Variants in STX18 observed in about 807,000 individuals in gnomAD.
STX18 encodes syntaxin-18.
In STX18, 40 loss-of-function variants were observed where a neutral mutation model predicts 50.1. The ratio of observed to expected loss-of-function variants is 0.80; its 90% CI spans 0.62 to 1.04. The LOEUF is 1.04. Ranked by LOEUF, STX18 falls within the 50% of genes least tolerant of loss-of-function variation. The pLI is 0.00. For synonymous variants in STX18, 158 were observed against 151.8 expected, an observed-to-expected ratio of 1.04 and a Z score of -0.30; for missense variants, 410 against 415.8, an observed-to-expected ratio of 0.99 and a Z score of 0.12.
chr4:4,443,547 T>C (rs1726230934), intron 5 of STX18, among the ~76,000 whole-genome samples: 1 of 152,192 alleles, frequency 6.6e-6, no homozygotes, highest in South Asian at 2.1e-4. Context: ...ACAAAATCAT[T>C]TTATGAGGCC....
intron 1 of STX18, among the ~76,000 whole-genome samples, chr4:4,529,969 TC>T (rs1335178140): frequency 6.6e-6 from 1 of 152,146 alleles, no homozygotes. Flanking sequence ...GGAAAATTAC[TC>T]CCTTTACAAA....
chr4:4,500,725 C>T (rs1729411008), intron 1 of STX18, among the ~76,000 whole-genome samples: 1 of 152,162 alleles, frequency 6.6e-6, no homozygotes, highest in Non-Finnish European at 1.5e-5. Context: ...GGCTACATAA[C>T]ATTTCATTGC....
intron 5 of STX18, among the ~76,000 whole-genome samples, chr4:4,456,056 T>C (rs1727048541): frequency 6.6e-6 from 1 of 151,868 alleles, no homozygotes; most frequent in South Asian, 2.1e-4. Context: ...GGCAGGGGGA[T>C]TGCCTGAGCC....
Position 4,420,843 on chromosome 4 carries a change from G to A in STX18, c.912+21C>T, listed in dbSNP as rs1196356228. On this transcript the variant is annotated intron_variant, in intron 10 of 10. Transcript: ENST00000306200. This position sits in a 1 kb window ranked among gnomAD's most constrained non-coding sequence, Gnocchi z 4.3. ...TCAGTGCTGCGCCACGTCGCACCTG[G>A]GGAACCTAAACAGTGCCTACCTCTC... 6.2e-7 allele frequency: 1 copy of A among 1,611,008 alleles called. No homozygotes were observed. Among genetic ancestry groups the A allele is most frequent in the Non-Finnish European group, 8.5e-7 (1 of 1,177,422 alleles).
At chr4:4,487,856 G>T (rs1331403390) in intron 1 of STX18, among the ~76,000 whole-genome samples, 1 of 152,146 alleles carries the variant, frequency 6.6e-6, no homozygotes, top group Non-Finnish European at 1.5e-5. Flanking sequence ...AAAGAACTAT[G>T]TCTTCTTCAC....
intron 9 of STX18, among the ~76,000 whole-genome samples, chr4:4,423,041 C>T (rs980544458): frequency 5.3e-5 from 8 of 152,328 alleles, no homozygotes; most frequent in African/African-American, 1.7e-4. Flanking sequence ...ATGGACCGCG[C>T]GTTGTGAGAG....
At chr4:4,429,772 T>C (rs1030065785) in intron 7 of STX18, among the ~76,000 whole-genome samples, 12 of 152,214 alleles carry the variant, frequency 7.9e-5, no homozygotes, top group African/African-American at 2.9e-4. Flanking sequence ...CTATGTGGTA[T>C]TCAGATTCCA....
At chr4:4,426,203 CTG>C (rs1725235554) in intron 7 of STX18, 1 of 152,252 alleles carries the variant, frequency 6.6e-6, no homozygotes, top group Non-Finnish European at 1.5e-5. Flanking sequence ...TTGTAATAAA[CTG>C]TGCCCATCCC....
rs1203680344 is a variant in STX18, at chr4:4,453,709, C to CATA, written c.497+3479_497+3481dup. On this transcript the variant is annotated intron_variant, in intron 5 of 10. Transcript: ENST00000306200. The stretch of plus-strand genomic sequence containing the variant: ...AGAAGATATTTTTGATATATAATAT[C>CATA]ATAGTACTATAATTTTAAAACTAGC... The CATA allele has an allele frequency of 3.1e-6, 3 of 975,362 alleles. No homozygotes were observed. The East Asian group carries it at 3.4e-4, about 111-fold the overall frequency. The allele number at this position is 975,362 out of a possible 1,614,324, so 60.4% of individuals were successfully genotyped here.
chr4:4,490,219 C>G (rs1222319606), intron 1 of STX18, among the ~76,000 whole-genome samples: 1 of 152,112 alleles, frequency 6.6e-6, no homozygotes, highest in Non-Finnish European at 1.5e-5. Flanking sequence ...TTCGAAAGCT[C>G]TACAGCATTA....
chr4:4,475,054 A>G (rs1728108505), intron 1 of STX18, among the ~76,000 whole-genome samples: 1 of 152,202 alleles, frequency 6.6e-6, no homozygotes, highest in Admixed American at 6.5e-5. Context: ...TACAGGTTAG[A>G]TCCAGCTGCC....
rs565718397 is a variant in STX18, at chr4:4,526,763, G to A, written c.168+15034C>T. Among the ~76,000 whole-genome samples the A allele has an allele frequency of 5.5e-5, 8 of 145,140 alleles. No homozygotes were observed. The South Asian group carries it at 1.5e-3, about 28-fold the overall frequency. ...GGCAGGAGGACGCTTGAGCCCAAGAGTTTGAGGTCAGCCTGGGCAACATAG... is the reference window on the plus strand; with the variant it reads ...GGCAGGAGGACGCTTGAGCCCAAGAATTTGAGGTCAGCCTGGGCAACATAG... On this transcript the variant is annotated intron_variant, in intron 1 of 10. Coordinates refer to ENST00000306200, the MANE Select transcript of STX18 (RefSeq NM_016930.4).
chr4:4,539,739 G>C (rs746536814), intron 1 of STX18, among the ~76,000 whole-genome samples: 4 of 152,158 alleles, frequency 2.6e-5, no homozygotes, highest in Non-Finnish European at 5.9e-5. Context: ...ATCACTTCCA[G>C]TGACAGGGAA....
intron 5 of STX18, among the ~76,000 whole-genome samples, chr4:4,443,052 A>T (rs931958337): frequency 2.0e-5 from 3 of 152,218 alleles, no homozygotes; most frequent in African/African-American, 7.2e-5. Flanking sequence ...GCTGTGAAGT[A>T]GGCACTTCCG....
chr4:4,458,937 C>G (rs1431495806), intron 3 of STX18, among the ~76,000 whole-genome samples: 2 of 152,102 alleles, frequency 1.3e-5, no homozygotes, highest in Admixed American at 6.5e-5. Context: ...ACAAGTAGAG[C>G]TTAAGTACCC....
chr4:4,515,646 C>A (rs943053124), intron 1 of STX18, among the ~76,000 whole-genome samples: 2 of 152,106 alleles, frequency 1.3e-5, no homozygotes, highest in Non-Finnish European at 2.9e-5. Context: ...AAGAGAGACA[C>A]ACGTGCTTTA....
intron 1 of STX18, among the ~76,000 whole-genome samples, chr4:4,541,488 G>A (rs1731592513): frequency 6.6e-6 from 1 of 152,138 alleles, no homozygotes. Flanking sequence ...CTGTAGTGAC[G>A]GCGAACTCAT....
rs147614420 is a variant in STX18 at position 4,486,752 on chromosome 4, A to T, written c.169-15046T>A. On this transcript the variant is annotated intron_variant, in intron 1 of 10. Transcript: ENST00000306200. ...ACCTTGACAAGAGGGGCGAGAGGAA[A>T]AAACATTTTACTCATATTTGAGTTC... Among the ~76,000 whole-genome samples the T allele has an allele frequency of 3.2e-3, 484 of 152,364 alleles. 3 individuals are homozygous for T. The highest frequency in any genetic ancestry group is 6.8e-3 in the Middle Eastern group (2 of 294).
intron 1 of STX18, among the ~76,000 whole-genome samples, chr4:4,493,795 T>C (rs1729049574): frequency 6.6e-6 from 1 of 152,204 alleles, no homozygotes; most frequent in Non-Finnish European, 1.5e-5. Context: ...AATGTAGGTG[T>C]TCTACTAGAA....
Sources: allele counts gnomAD v4.1 joint callset (sites outside exome capture counted in the v4.1 genomes callset), GRCh38; gene constraint gnomAD v4.1.1; non-coding constraint Gnocchi (gnomAD v3.1); transcripts MANE v1.5; gene names NCBI Gene and HGNC (gene_info 2026-07-23, HGNC 2026-07-21).